SYNRG: variants seen among roughly 807,000 people sequenced by gnomAD.
SYNRG encodes synergin gamma, also known as AP1 gamma subunit binding protein 1.
In SYNRG, 37 loss-of-function variants were observed where a neutral mutation model predicts 130.9. That is an observed-to-expected ratio of 0.28 (90% CI 0.22 to 0.37). The LOEUF (loss-of-function observed/expected upper bound fraction) is 0.37. Among genes scored for constraint, SYNRG ranks in the 10% least tolerant of loss-of-function variants. SYNRG has a pLI of 1.00. For synonymous variants in SYNRG, 539 were observed against 568.1 expected, an observed-to-expected ratio of 0.95 and a Z score of 0.73; for missense variants, 1,338 against 1,588.9, an observed-to-expected ratio of 0.84 and a Z score of 2.68.
chr17:37,556,015 T>C (rs941859287), intron 13 of SYNRG, among the ~76,000 whole-genome samples: 4 of 152,216 alleles, frequency 2.6e-5, no homozygotes, highest in African/African-American at 4.8e-5. Flanking sequence ...AATTAAAATA[T>C]AAGCTTTAAT....
intron 2 of SYNRG, among the ~76,000 whole-genome samples, chr17:37,598,138 T>C (rs925849514): frequency 6.6e-6 from 1 of 152,156 alleles, no homozygotes; most frequent in Non-Finnish European, 1.5e-5. Context: ...TCATGGAACT[T>C]ACACTGTAAT....
chr17:37,600,134 T>C (rs1270980541), intron 2 of SYNRG, among the ~76,000 whole-genome samples: 1 of 152,226 alleles, frequency 6.6e-6, no homozygotes, highest in Non-Finnish European at 1.5e-5. Context: ...GAACATAATG[T>C]CTATGTAAGT....
chr17:37,570,031 A>G (rs180690082), intron 10 of SYNRG, among the ~76,000 whole-genome samples: 162 of 152,346 alleles, frequency 1.1e-3, no homozygotes, highest in African/African-American at 3.4e-3. Context: ...TTACTCTAAC[A>G]AACAATGTTA....
At chr17:37,537,673 G>C (rs1229383475) in intron 18 of SYNRG, among the ~76,000 whole-genome samples, 1 of 152,128 alleles carries the variant, frequency 6.6e-6, no homozygotes, top group Non-Finnish European at 1.5e-5. Flanking sequence ...ACATATGTAA[G>C]AAATTAAAGG....
rs192398790 is a variant in SYNRG, at chr17:37,538,836, G to A, written c.3420+356C>T. On this transcript the variant is annotated intron_variant, in intron 17 of 21. Coordinates refer to ENST00000612223, the MANE Select transcript of SYNRG (RefSeq NM_007247.6). Reference sequence around the variant, plus strand: ...TCTCAAACTCCTGACCTCGTGATCCGCCCGCCTTGGCCTCCCAAAGTGCTG... The same window carrying A: ...TCTCAAACTCCTGACCTCGTGATCCACCCGCCTTGGCCTCCCAAAGTGCTG... 7.1e-3 allele frequency among the ~76,000 whole-genome samples: 1,089 copies of A among 152,314 alleles called. 11 individuals carry two copies. Among genetic ancestry groups the A allele is most frequent in the Non-Finnish European group, 8.6e-3 (582 of 68,014 alleles).
chr17:37,561,837 G>A (rs149218504), intron 11 of SYNRG, among the ~76,000 whole-genome samples: 1 of 151,588 alleles, frequency 6.6e-6, no homozygotes, highest in African/African-American at 2.4e-5. Context: ...AATGAAGAGG[G>A]GTCAGATCCA....
At chr17:37,589,641 C>T (rs573813873) in intron 3 of SYNRG, among the ~76,000 whole-genome samples, 64 of 151,686 alleles carry the variant, frequency 4.2e-4, no homozygotes, top group Non-Finnish European at 6.9e-4. Flanking sequence ...CCCATCTATT[C>T]GGGAGGCTGA....
rs570847477 is a variant in SYNRG at position 37,515,655 on chromosome 17, C to T, written c.*3285G>A. 3 of 152,372 alleles carry T rather than the reference C, an allele frequency of 2.0e-5. No individual in the cohort carries two copies. Among genetic ancestry groups the T allele is most frequent in the Admixed American group, 6.5e-5 (1 of 15,304 alleles). 9.4% of individuals were successfully genotyped at this position (152,372 alleles called of 1,614,324 possible). Reference sequence around the variant, plus strand: ...TGTATTTTTAGTAGAGACAGGGTCTCGCCATGTTGGCCAGGCTGGTCTTGA... The same window carrying T: ...TGTATTTTTAGTAGAGACAGGGTCTTGCCATGTTGGCCAGGCTGGTCTTGA... On this transcript the variant is annotated 3_prime_UTR_variant, in exon 22 of 22. Transcript: ENST00000612223.
chr17:37,560,423 C>T (rs1206581396), intron 13 of SYNRG, among the ~76,000 whole-genome samples: 1 of 150,814 alleles, frequency 6.6e-6, no homozygotes, highest in Admixed American at 6.6e-5. Flanking sequence ...GCAACCTCTG[C>T]CTCCCTGAGT....
Position 37,577,565 on chromosome 17 carries a change from G to A in SYNRG, c.638C>T (p.Ser213Phe), listed in dbSNP as rs1185889666. Residue 213 changes from serine to phenylalanine, a missense_variant, in exon 7 of 22, where the codon TCT becomes TTT. By Grantham distance (155) the Ser-to-Phe change is radical (BLOSUM62 -2). Transcript: ENST00000612223. ...ATTTAATTTAATTTGTTCCTGCCCA[G>A]ATGTACTTATATCACAAGATACTAG... ...KFLVSCDIST[S>F]GQEQIKLNTS... The A allele has an allele frequency of 6.2e-7, 1 of 1,613,986 alleles. No homozygotes were observed. The highest frequency in any genetic ancestry group is 1.3e-5 in the African/African-American group (1 of 74,912).
At position 37,577,441 on chromosome 17, in the gene SYNRG, A is replaced by G; in HGVS notation, c.762T>C (p.Ser254=). 6.2e-7 allele frequency: 1 copy of G among 1,614,216 alleles called. No homozygotes were observed. Among genetic ancestry groups the G allele is most frequent in the South Asian group, 1.1e-5 (1 of 91,082 alleles). Residue 254 remains serine, a synonymous_variant, in exon 7 of 22, where the codon AGT becomes AGC. Transcript: ENST00000612223. The part of the protein sequence containing the change: ...SNGVAVDGCV[S]GTTTAEAENT... ...TTTCTGCCTCTGCAGTGGTGGTACCACTTACACATCCATCTACAGCAACCC... is the reference window on the plus strand; with the variant it reads ...TTTCTGCCTCTGCAGTGGTGGTACCGCTTACACATCCATCTACAGCAACCC...
intron 2 of SYNRG, among the ~76,000 whole-genome samples, chr17:37,599,538 T>C (rs1272316744): frequency 4.6e-5 from 7 of 152,220 alleles, no homozygotes; most frequent in South Asian, 2.1e-4. Flanking sequence ...CTGGGCAACA[T>C]AGGGAGACCC....
intron 11 of SYNRG, among the ~76,000 whole-genome samples, chr17:37,565,623 A>G (rs1198880424): frequency 8.1e-6 from 1 of 122,908 alleles, no homozygotes; most frequent in South Asian, 2.6e-4. Flanking sequence ...GGCTGCCATC[A>G]CATCTAGGAA....
intron 4 of SYNRG, 145 bp downstream of exon 4, chr17:37,586,274 A>G: frequency 8.2e-7 from 1 of 1,218,646 alleles, no homozygotes; most frequent in Non-Finnish European, 1.1e-6. Flanking sequence ...GATTATAGGC[A>G]TGAACCACTG....
At chr17:37,568,596 T>G (rs548023410) in intron 11 of SYNRG, 195 bp downstream of exon 11, 2 of 525,906 alleles carry the variant, frequency 3.8e-6, no homozygotes, top group Admixed American at 7.0e-5. Context: ...CAGGAAACAG[T>G]AGGAGCTGAA....
intron 1 of SYNRG, among the ~76,000 whole-genome samples, chr17:37,607,969 A>C (rs974422592): frequency 6.7e-6 from 1 of 148,550 alleles, no homozygotes; most frequent in Non-Finnish European, 1.5e-5. Context: ...AAAAAAAAAA[A>C]AAAAAAAAAA....
intron 13 of SYNRG, among the ~76,000 whole-genome samples, chr17:37,560,581 C>G (rs375549252): frequency 4.6e-5 from 7 of 151,854 alleles, no homozygotes; most frequent in Non-Finnish European, 8.8e-5. Flanking sequence ...TCAGGTGATC[C>G]GCCCACATCG....
chr17:37,590,868 C>T (rs1256724825), intron 3 of SYNRG, among the ~76,000 whole-genome samples: 1 of 151,964 alleles, frequency 6.6e-6, no homozygotes, highest in African/African-American at 2.4e-5. Context: ...TGCAGTGAGT[C>T]GAGATCGCGC....
intron 11 of SYNRG, among the ~76,000 whole-genome samples, chr17:37,564,465 A>G (rs1342440322): frequency 6.6e-6 from 1 of 152,256 alleles, no homozygotes; most frequent in Non-Finnish European, 1.5e-5. Flanking sequence ...AGCAATAATC[A>G]CTTTCATTGT....
Sources: allele counts gnomAD v4.1 joint callset (sites outside exome capture counted in the v4.1 genomes callset), GRCh38; gene constraint gnomAD v4.1.1; transcripts MANE v1.5; gene names NCBI Gene and HGNC (gene_info 2026-07-23, HGNC 2026-07-21).